The following PCDH9 variants were observed in gnomAD, a reference collection of about 807,000 sequenced individuals.
PCDH9 encodes protocadherin 9.
PCDH9 carries 24 observed loss-of-function variants against 70.6 expected under a neutral mutation model. The observed-to-expected ratio is 0.34, with a 90% CI of 0.25 to 0.48. The LOEUF is 0.48. PCDH9 is among the 20% of genes least tolerant of loss of function. PCDH9 has a pLI of 0.99. For synonymous variants in PCDH9, 562 were observed against 558.5 expected, an observed-to-expected ratio of 1.01 and a Z score of -0.09; for missense variants, 1,281 against 1,503.6, an observed-to-expected ratio of 0.85 and a Z score of 2.45.
intron 2 of PCDH9, among the ~76,000 whole-genome samples, chr13:67,006,966 A>T (rs2084366284): frequency 6.6e-6 from 1 of 152,206 alleles, no homozygotes; most frequent in Non-Finnish European, 1.5e-5. Context: ...TACTTTTTTA[A>T]AGAACGGAAA....
intron 3 of PCDH9, among the ~76,000 whole-genome samples, chr13:66,712,212 A>G (rs1287184913): frequency 1.3e-5 from 2 of 152,178 alleles, no homozygotes; most frequent in African/African-American, 4.8e-5. Context: ...ATTTCCTTTT[A>G]GTTTTATTAC....
At chr13:67,093,863 A>AT (rs1231259645) in intron 2 of PCDH9, among the ~76,000 whole-genome samples, 1 of 152,152 alleles carries the variant, frequency 6.6e-6, no homozygotes, top group African/African-American at 2.4e-5. Context: ...TTATTTATCA[A>AT]TTTTTCTTGG....
chr13:66,564,147 T>C (rs918824510), intron 4 of PCDH9, among the ~76,000 whole-genome samples: 3 of 152,102 alleles, frequency 2.0e-5, no homozygotes, highest in African/African-American at 4.8e-5. Context: ...TGACCACTTG[T>C]TTCAATGTTT....
chr13:67,214,171 G>C (rs2089536194), intron 2 of PCDH9: 2 of 152,142 alleles, frequency 1.3e-5, no homozygotes, highest in African/African-American at 4.8e-5. Flanking sequence ...TGTATATTGA[G>C]ACATGAAAAA....
At chr13:66,606,617 G>C (rs569368426) in intron 4 of PCDH9, among the ~76,000 whole-genome samples, 1 of 152,202 alleles carries the variant, frequency 6.6e-6, no homozygotes, top group Non-Finnish European at 1.5e-5. Flanking sequence ...AGAATGCCTA[G>C]TTAAGTTTGA....
At chr13:66,818,664 G>A (rs1428484202) in intron 3 of PCDH9, among the ~76,000 whole-genome samples, 1 of 152,184 alleles carries the variant, frequency 6.6e-6, no homozygotes, top group African/African-American at 2.4e-5. Context: ...CAGGTGCGGT[G>A]GCTCACGCCT....
intron 4 of PCDH9, among the ~76,000 whole-genome samples, chr13:66,462,785 C>T (rs1340774077): frequency 6.6e-6 from 1 of 151,596 alleles, no homozygotes; most frequent in African/African-American, 2.4e-5. Flanking sequence ...GCAGGTCAGT[C>T]CCCAAAGCGT....
chr13:66,405,729 T>C (rs540631869), intron 4 of PCDH9, among the ~76,000 whole-genome samples: 96 of 152,314 alleles, frequency 6.3e-4, no homozygotes, highest in Non-Finnish European at 1.2e-3. Flanking sequence ...AGAATGTTTC[T>C]ACCTGTTATC....
At chr13:66,572,369 C>G (rs950060432) in intron 4 of PCDH9, among the ~76,000 whole-genome samples, 1 of 152,050 alleles carries the variant, frequency 6.6e-6, no homozygotes, top group African/African-American at 2.4e-5. Context: ...TCTCTTTATC[C>G]TCCCCTCCTC....
At chr13:66,404,907 T>C (rs1253859877) in intron 4 of PCDH9, among the ~76,000 whole-genome samples, 1 of 152,230 alleles carries the variant, frequency 6.6e-6, no homozygotes, top group Non-Finnish European at 1.5e-5. Flanking sequence ...TAACATACTG[T>C]AAAACCAGAT....
intron 4 of PCDH9, among the ~76,000 whole-genome samples, chr13:66,552,327 C>T (rs982171535): frequency 6.6e-6 from 1 of 152,064 alleles, no homozygotes; most frequent in African/African-American, 2.4e-5. Context: ...GTCAGCGTTC[C>T]TTTGGGCTAT....
At chr13:66,576,360 A>G (rs1205638445) in intron 4 of PCDH9, among the ~76,000 whole-genome samples, 1 of 152,090 alleles carries the variant, frequency 6.6e-6, no homozygotes, top group Admixed American at 6.6e-5. Flanking sequence ...ATTTTTTATA[A>G]TGTCCATAAT....
intron 2 of PCDH9, among the ~76,000 whole-genome samples, chr13:67,086,486 C>A (rs2086109933): frequency 6.6e-6 from 1 of 152,152 alleles, no homozygotes; most frequent in Admixed American, 6.6e-5. Context: ...CAGTGATAAA[C>A]TCACATGATG....
In PCDH9 at chr13:66,520,586, G is replaced by A. The variant is rs146627185; in HGVS notation, c.3340+110624C>T. Among the ~76,000 whole-genome samples the A allele has an allele frequency of 4.1e-3, 622 of 152,214 alleles. 3 individuals are homozygous for A. The highest frequency in any genetic ancestry group is 0.014 in the African/African-American group (574 of 41,534). ...TTGTTGCCTTTAAAATTAATCTATCGAATATCTGATTATTTAGCTGATCCT... is the reference window on the plus strand; with the variant it reads ...TTGTTGCCTTTAAAATTAATCTATCAAATATCTGATTATTTAGCTGATCCT... On this transcript the variant is annotated intron_variant, in intron 4 of 4. Coordinates refer to ENST00000377865, the MANE Select transcript of PCDH9 (RefSeq NM_203487.3).
chr13:66,700,269 C>A (rs2078620832), intron 3 of PCDH9, among the ~76,000 whole-genome samples: 1 of 152,190 alleles, frequency 6.6e-6, no homozygotes. Context: ...CTCTCGAGAT[C>A]TGACTCCATT....
chr13:66,378,125 A>T (rs1956781910), intron 4 of PCDH9, among the ~76,000 whole-genome samples: 1 of 152,332 alleles, frequency 6.6e-6, no homozygotes, highest in East Asian at 1.9e-4. Context: ...TAAAGGGTTG[A>T]TCATAGAAAT....
At chr13:66,929,952 C>T (rs953680655) in intron 2 of PCDH9, among the ~76,000 whole-genome samples, 13 of 152,114 alleles carry the variant, frequency 8.5e-5, no homozygotes, top group Non-Finnish European at 1.5e-4. Context: ...AAATCAGGCT[C>T]ATATTCTCAT....
At chr13:66,400,828 A>G (rs1957171882) in intron 4 of PCDH9, among the ~76,000 whole-genome samples, 1 of 151,410 alleles carries the variant, frequency 6.6e-6, no homozygotes. Flanking sequence ...ATATCTAAGG[A>G]AAAAAAATAG....
intron 4 of PCDH9, among the ~76,000 whole-genome samples, chr13:66,430,749 C>CAA (rs1302433999): frequency 6.6e-6 from 1 of 152,014 alleles, no homozygotes; most frequent in Non-Finnish European, 1.5e-5. Flanking sequence ...TAAAGGGAGA[C>CAA]TTACATATAA....
Sources: allele counts gnomAD v4.1 joint callset (sites outside exome capture counted in the v4.1 genomes callset), GRCh38; gene constraint gnomAD v4.1.1; transcripts MANE v1.5; gene names NCBI Gene and HGNC (gene_info 2026-07-23, HGNC 2026-07-21).